SRCAP: variants seen among roughly 807,000 people sequenced by gnomAD.
SRCAP encodes the protein Snf2 related CREBBP activator protein, also known as chromatin remodeling protein SRCAP.
Under a neutral mutation model 263.1 loss-of-function variants are expected in SRCAP, and 46 were observed. The observed-to-expected ratio is 0.17, with a 90% CI of 0.14 to 0.22. The LOEUF is 0.22. SRCAP is among the 10% of genes least tolerant of loss of function. The pLI, the probability that SRCAP is intolerant of heterozygous loss-of-function variation, is 1.00. For synonymous variants in SRCAP, 1,813 were observed against 1,662.1 expected, an observed-to-expected ratio of 1.09 and a Z score of -2.21; for missense variants, 3,695 against 4,181.9, an observed-to-expected ratio of 0.88 and a Z score of 3.21.
At position 30,719,975 on chromosome 16, in the gene SRCAP, A is replaced by G. The variant is rs532829120; in HGVS notation, c.2818-187A>G. On this transcript the variant is annotated intron_variant, in intron 18 of 33. Coordinates refer to ENST00000262518, the MANE Select transcript of SRCAP (RefSeq NM_006662.3). ...TGCCCGCCACAGTCGTTTCTGGCGT[A>G]TATTGTTCTCATCTTCATGTCCATG... Among the ~76,000 whole-genome samples the G allele has an allele frequency of 8.5e-4, 130 of 152,236 alleles. 1 individual carries two copies. The highest frequency in any genetic ancestry group is 3.0e-3 in the African/African-American group (126 of 41,534).
rs1453743267 is a variant in SRCAP, at chr16:30,724,258, C to T, written c.4834C>T (p.Leu1612=). The T allele has an allele frequency of 6.2e-7, 1 of 1,614,076 alleles. No homozygotes were observed. Among genetic ancestry groups the T allele is most frequent in the Admixed American group, 1.7e-5 (1 of 60,012 alleles). The stretch of plus-strand genomic sequence containing the variant: ...TCCTCCTCTGGCTCCTCTTCCGGTC[C>T]TGGCACCATCGCCAGGTGCTGCTCC... ...PAPPLAPLPV[L]APSPGAAPVL... is the part of the protein sequence containing the mutation. Residue 1612 remains leucine (L), a synonymous_variant, in exon 25 of 34, where the codon CTG becomes TTG. Coordinates refer to ENST00000262518, the MANE Select transcript of SRCAP (RefSeq NM_006662.3).
chr16:30,723,627 C>T lies in SRCAP; in HGVS notation c.4203C>T (p.Leu1401=). ...CCCCCTTGACCATCTCTTCTCCTCT[C>T]CACGTGCCATCCTCCCTCCCTGGGC... ...GAAPLTISSP[L]HVPSSLPGPA... Residue 1401 remains leucine (L), a synonymous_variant, in exon 25 of 34, where the codon CTC becomes CTT. Coordinates refer to ENST00000262518, the MANE Select transcript of SRCAP (RefSeq NM_006662.3). 2 of 1,613,538 alleles carry T rather than the reference C, an allele frequency of 1.2e-6. No individual in the cohort carries two copies. Among genetic ancestry groups the T allele is most frequent in the Non-Finnish European group, 1.7e-6 (2 of 1,179,586 alleles).
Position 30,704,722 on chromosome 16 carries a change from G to C in SRCAP, c.306+407G>C, listed in dbSNP as rs929307105. ...GGTATAGTCGCACATGCCTGTAGCA[G>C]TCGCAGCCACCCAGGAGCCTGAGTT... On this transcript the variant is annotated intron_variant, in intron 4 of 33. Coordinates refer to ENST00000262518, the MANE Select transcript of SRCAP (RefSeq NM_006662.3). Among the ~76,000 whole-genome samples the C allele has an allele frequency of 2.0e-5, 3 of 152,152 alleles. No individual in the cohort carries two copies. In the East Asian group the frequency reaches 5.8e-4, roughly 29 times the overall value.
chr16:30,712,977 C>G (rs1478007803), intron 14 of SRCAP, among the ~76,000 whole-genome samples, 162 bp downstream of exon 14: 1 of 152,018 alleles, frequency 6.6e-6, no homozygotes, highest in African/African-American at 2.4e-5. Context: ...CCAAGCTGAC[C>G]TTGAACACCT....
In SRCAP at chr16:30,739,470, C is replaced by T; in HGVS notation, c.9430C>T (p.Pro3144Ser). Residue 3144 changes from proline to serine, a missense_variant, in exon 34 of 34, where the codon CCA becomes TCA. Around this residue, in one of 12 missense-constraint regions of SRCAP, gnomAD observed 1,207 missense variants for 1,142.9 expected, o/e 1.06. Coordinates refer to ENST00000262518, the MANE Select transcript of SRCAP (RefSeq NM_006662.3). ...EKLPRKRAGA[P>S]VGGSPGLAKR... ...GTTGCCTCGCAAACGAGCAGGGGCC[C>T]CAGTTGGTGGGAGTCCTGGGCTGGC... The T allele has an allele frequency of 6.2e-7, 1 of 1,614,106 alleles. No homozygotes were observed. The highest frequency in any genetic ancestry group is 1.7e-5 in the Admixed American group (1 of 60,014).
chr16:30,729,113 A>G lies in SRCAP; in HGVS notation c.5806A>G (p.Ile1936Val), dbSNP rs1332673870. The G allele has an allele frequency of 1.2e-6, 2 of 1,614,176 alleles. No homozygotes were observed. The highest frequency in any genetic ancestry group is 4.5e-5 in the East Asian group (2 of 44,874). Residue 1936 changes from isoleucine to valine, a missense_variant, in exon 26 of 34, where the codon ATC (isoleucine) becomes GTC (valine). By Grantham distance (29) the Ile-to-Val change is conservative. Coordinates refer to ENST00000262518, the MANE Select transcript of SRCAP (RefSeq NM_006662.3). ...CTLPQPVASPIGPRSPGPSHP... is the reference protein window; with the variant it reads ...CTLPQPVASPVGPRSPGPSHP... Reference sequence around the variant, plus strand: ...CCTGCCCCAACCTGTTGCCAGCCCCATCGGCCCTCGTTCTCCTGGCCCCAG... The same window carrying G: ...CCTGCCCCAACCTGTTGCCAGCCCCGTCGGCCCTCGTTCTCCTGGCCCCAG...
At chr16:30,712,241 C>T (rs780259336) in intron 12 of SRCAP, 21 bp from the exon 13 acceptor site, 4 of 1,593,104 alleles carry the variant, frequency 2.5e-6, no homozygotes, top group Non-Finnish European at 2.6e-6. Context: ...CATTGTGTTA[C>T]CTATATTTCC....
At chr16:30,712,907 T>A in intron 14 of SRCAP, 92 bp downstream of exon 14, 1 of 1,461,288 alleles carries the variant, frequency 6.8e-7, no homozygotes, top group Non-Finnish European at 9.1e-7. Flanking sequence ...CTCCTCTTTC[T>A]TTTTTAAAAA....
Position 30,721,365 on chromosome 16 carries a change from GCCA to G in SRCAP, c.3438_3440del (p.Thr1147del), listed in dbSNP as rs779110357. The G allele has an allele frequency of 2.8e-5, 45 of 1,614,044 alleles. 1 individual carries two copies. In the South Asian group the frequency reaches 4.7e-4, roughly 17 times the overall value. ...AGGCTACACCTTCCCTCCTGCTGCT[GCCA>G]CCACCACTTCTACCACCACGGCAAC... On this transcript the variant is annotated inframe_deletion, in exon 21 of 34. Coordinates refer to ENST00000262518, the MANE Select transcript of SRCAP (RefSeq NM_006662.3).
intron 33 of SRCAP, 94 bp from the exon 34 acceptor site, chr16:30,736,955 T>G: frequency 4.2e-4 from 566 of 1,356,492 alleles, no homozygotes; most frequent in Middle Eastern, 5.7e-4. Context: ...ATTACAGGCG[T>G]GAGCCACCGC....
In SRCAP at chr16:30,713,732, T is replaced by C. The variant is rs772017806; in HGVS notation, c.2493+21T>C. On this transcript the variant is annotated intron_variant, in intron 16 of 33. Transcript: ENST00000262518. Reference sequence around the variant, plus strand: ...ACAAGGTAGGGCCTGCAACAGTTTGTCAGGGTATTGGGAATGGTAAGGAAC... The same window carrying C: ...ACAAGGTAGGGCCTGCAACAGTTTGCCAGGGTATTGGGAATGGTAAGGAAC... The C allele has an allele frequency of 1.9e-6, 3 of 1,611,144 alleles. No homozygotes were observed. The African/African-American group carries it at 4.0e-5, about 22-fold the overall frequency.
chr16:30,734,407 T>C (rs780459620), intron 30 of SRCAP, 89 bp from the exon 31 acceptor site: 46 of 1,569,176 alleles, frequency 2.9e-5, no homozygotes, highest in Non-Finnish European at 4.0e-5. Flanking sequence ...GTGGTACCCC[T>C]GACAGTTCCA....
In SRCAP at chr16:30,713,503, CTCTG is replaced by C; in HGVS notation, c.2301-12_2301-9del. ...TGCTGACCATACTCTCTCTGATTCT[CTCTG>C]TCTCTTTGCAGCCAGAGACGCCTGC... On this transcript the variant is annotated splice_polypyrimidine_tract_variant and intron_variant, in intron 15 of 33. Coordinates refer to ENST00000262518, the MANE Select transcript of SRCAP (RefSeq NM_006662.3). The C allele has an allele frequency of 1.2e-6, 2 of 1,613,818 alleles. No individual in the cohort carries two copies.
In SRCAP at chr16:30,739,669, G is replaced by T; in HGVS notation, c.9629G>T (p.Ser3210Ile). Residue 3210 changes from serine (S) to isoleucine (I), a missense_variant, in exon 34 of 34, where the codon AGC becomes ATC. Ser to Ile is a moderately radical substitution (Grantham distance 142). Coordinates refer to ENST00000262518, the MANE Select transcript of SRCAP (RefSeq NM_006662.3). ...TNQGDQRILRSSAPPSLAGPA... is the reference protein window; with the variant it reads ...TNQGDQRILRISAPPSLAGPA... Reference sequence around the variant, plus strand: ...CAAGGGGACCAGCGCATCCTGCGCAGCAGCGCCCCTCCCTCCCTGGCTGGC... The same window carrying T: ...CAAGGGGACCAGCGCATCCTGCGCATCAGCGCCCCTCCCTCCCTGGCTGGC... The T allele has an allele frequency of 1.3e-6, 2 of 1,570,402 alleles. No homozygotes were observed. The highest frequency in any genetic ancestry group is 1.7e-6 in the Non-Finnish European group (2 of 1,159,988).
chr16:30,730,870 A>G (rs1284185133), intron 27 of SRCAP, among the ~76,000 whole-genome samples: 4 of 151,690 alleles, frequency 2.6e-5, no homozygotes, highest in African/African-American at 4.9e-5. Context: ...GGGTTTCACC[A>G]TGTTGGCCAG....
At chr16:30,699,338 C>T in intron 1 of SRCAP, 96 bp downstream of exon 1, 1 of 397,074 alleles carries the variant, frequency 2.5e-6, no homozygotes, top group Non-Finnish European at 4.4e-6. Flanking sequence ...GGAAGCATTT[C>T]CGGGCCTCCT....
Position 30,738,200 on chromosome 16 carries a change from T to A in SRCAP, c.8160T>A (p.Pro2720=). The change falls in exon 34 of 34, where the codon CCT becomes CCA. Residue 2720 remains proline (P), a synonymous_variant. Coordinates refer to ENST00000262518, the MANE Select transcript of SRCAP (RefSeq NM_006662.3). ...SPEGPSPARP[P]RRRTSADVEI... ...AGGGTCCTTCACCTGCCCGACCTCCTCGGCGTCGCACCAGTGCTGATGTGG... is the reference window on the plus strand; with the variant it reads ...AGGGTCCTTCACCTGCCCGACCTCCACGGCGTCGCACCAGTGCTGATGTGG... 6.2e-7 allele frequency: 1 copy of A among 1,614,098 alleles called. No individual in the cohort carries two copies. The highest frequency in any genetic ancestry group is 8.5e-7 in the Non-Finnish European group (1 of 1,180,016).
rs781443255 is a variant in SRCAP, at chr16:30,738,340, G to A, written c.8300G>A (p.Arg2767Gln). 4.3e-5 allele frequency: 68 copies of A among 1,574,098 alleles called. No homozygotes were observed. Among genetic ancestry groups the A allele is most frequent in the Admixed American group, 5.5e-5 (3 of 54,904 alleles). ...VVEEKELVRR[R>Q]RQQRGAASTL... ...GAGGAAAAGGAACTGGTGCGGCGGC[G>A]GCGGCAGCAGCGGGGAGCTGCCAGC... Residue 2767 changes from arginine (R) to glutamine (Q), a missense_variant, in exon 34 of 34, where the codon CGG (arginine) becomes CAG (glutamine). Coordinates refer to ENST00000262518, the MANE Select transcript of SRCAP (RefSeq NM_006662.3).
At position 30,716,063 on chromosome 16, in the gene SRCAP, T is replaced by C. The variant is rs2151290422; in HGVS notation, c.2494-3T>C. On this transcript the variant is annotated splice_region_variant and splice_polypyrimidine_tract_variant and intron_variant, in intron 16 of 33. Transcript: ENST00000262518. ...TTTAGCCTCCAGCTTAATTTGCTTT[T>C]AGGTTTTGAGGCCTTTTTTACTGCG... The C allele has an allele frequency of 6.2e-7, 1 of 1,614,134 alleles. No homozygotes were observed. Among genetic ancestry groups the C allele is most frequent in the East Asian group, 2.2e-5 (1 of 44,888 alleles).
Sources: allele counts gnomAD v4.1 joint callset (sites outside exome capture counted in the v4.1 genomes callset), GRCh38; gene constraint gnomAD v4.1.1; regional missense constraint gnomAD v4.1.1; transcripts MANE v1.5; gene names NCBI Gene and HGNC (gene_info 2026-07-23, HGNC 2026-07-21).